Variants in STXBP5L observed in about 807,000 individuals in gnomAD.
STXBP5L encodes syntaxin binding protein 5L.
STXBP5L carries 65 observed loss-of-function variants against 144.5 expected under a neutral mutation model. The observed-to-expected ratio is 0.45, with a 90% CI of 0.37 to 0.55. STXBP5L has a LOEUF of 0.55. Ranked by LOEUF, STXBP5L falls within the 20% of genes least tolerant of loss-of-function variation. The probability of loss-of-function intolerance (pLI) is 0.00; values close to 1 mark genes in which losing one functional copy is unlikely to be tolerated. For synonymous variants in STXBP5L, 505 were observed against 469.6 expected, an observed-to-expected ratio of 1.08 and a Z score of -0.97; for missense variants, 1,298 against 1,405.5, an observed-to-expected ratio of 0.92 and a Z score of 1.22.
intron 9 of STXBP5L, among the ~76,000 whole-genome samples, chr3:121,195,880 A>G (rs2047899758): frequency 6.6e-6 from 1 of 152,158 alleles, no homozygotes; most frequent in Non-Finnish European, 1.5e-5. Context: ...CCCCTGGGAC[A>G]CATTTGTCAC....
chr3:121,112,383 G>C (rs2044028201), intron 5 of STXBP5L, among the ~76,000 whole-genome samples: 2 of 152,084 alleles, frequency 1.3e-5, no homozygotes, highest in Non-Finnish European at 2.9e-5. Context: ...TGCTTGGCTG[G>C]GAGTGGGAGT....
chr3:121,056,576 A>G (rs1331485469), intron 5 of STXBP5L, among the ~76,000 whole-genome samples: 1 of 152,158 alleles, frequency 6.6e-6, no homozygotes, highest in Non-Finnish European at 1.5e-5. Context: ...AATATTTTAT[A>G]AAGGCAATTT....
intron 19 of STXBP5L, among the ~76,000 whole-genome samples, chr3:121,317,111 T>G (rs1057057316): frequency 6.6e-6 from 1 of 152,152 alleles, no homozygotes; most frequent in East Asian, 1.9e-4. Context: ...ATTTCCAGAT[T>G]AATGGTAATA....
intron 16 of STXBP5L, 50 bp from the exon 17 acceptor site, chr3:121,257,111 C>A: frequency 1.5e-6 from 2 of 1,338,158 alleles, no homozygotes; most frequent in South Asian, 1.4e-5. Flanking sequence ...TAAATTAAAA[C>A]GATGATTATT....
chr3:120,964,213 C>T (rs977719885), intron 3 of STXBP5L, among the ~76,000 whole-genome samples: 1 of 151,854 alleles, frequency 6.6e-6, no homozygotes. Flanking sequence ...TTGATCTTTT[C>T]CAAAAAAGCA....
chr3:121,301,899 C>G (rs561327378), intron 19 of STXBP5L, among the ~76,000 whole-genome samples: 1 of 152,304 alleles, frequency 6.6e-6, no homozygotes, highest in South Asian at 2.1e-4. Context: ...ATGAAGCCCA[C>G]TTGACTATGG....
chr3:121,176,771 A>G (rs1468145615), intron 9 of STXBP5L, among the ~76,000 whole-genome samples: 1 of 151,920 alleles, frequency 6.6e-6, no homozygotes, highest in East Asian at 1.9e-4. Context: ...AGGCATGAGA[A>G]CAACCAATAA....
In STXBP5L at chr3:121,082,761, T is replaced by C. The variant is rs1417711549; in HGVS notation, c.471-32164T>C. 2.0e-5 allele frequency among the ~76,000 whole-genome samples: 3 copies of C among 152,376 alleles called. No individual in the cohort carries two copies. In the East Asian group the frequency reaches 5.8e-4, roughly 29 times the overall value. ...TGTCAAATACTATTTCTGCATCAACTGATGATTTTTCTGTTTCAGCTTGTT... is the reference window on the plus strand; with the variant it reads ...TGTCAAATACTATTTCTGCATCAACCGATGATTTTTCTGTTTCAGCTTGTT... On this transcript the variant is annotated intron_variant, in intron 5 of 26. Coordinates refer to ENST00000471454, the MANE Select transcript of STXBP5L (RefSeq NM_001308330.2).
intron 3 of STXBP5L, among the ~76,000 whole-genome samples, chr3:121,006,381 C>CT (rs563813045): frequency 0.04 from 6,030 of 151,908 alleles, 170 homozygotes; most frequent in Middle Eastern, 0.082. Flanking sequence ...CAATCCCTGC[C>CT]TTTTTTTGTT....
chr3:120,912,490 TAGGA>T (rs1708893341), intron 2 of STXBP5L, among the ~76,000 whole-genome samples: 1 of 151,812 alleles, frequency 6.6e-6, no homozygotes, highest in Admixed American at 6.6e-5. Context: ...ATATCGCCCA[TAGGA>T]AGGTAGTAGG....
chr3:121,024,361 G>A (rs149171612), intron 3 of STXBP5L, among the ~76,000 whole-genome samples: 2 of 152,094 alleles, frequency 1.3e-5, no homozygotes, highest in Non-Finnish European at 2.9e-5. Flanking sequence ...GTCTAGAGTG[G>A]CTTTACTTTA....
At chr3:121,333,181 A>G (rs1042107745) in intron 20 of STXBP5L, among the ~76,000 whole-genome samples, 2 of 152,190 alleles carry the variant, frequency 1.3e-5, no homozygotes, top group Non-Finnish European at 2.9e-5. Flanking sequence ...CATGGAGAAA[A>G]TAAAGCATCT....
At chr3:121,071,319 C>T (rs2107662231) in intron 5 of STXBP5L, among the ~76,000 whole-genome samples, 1 of 152,322 alleles carries the variant, frequency 6.6e-6, no homozygotes, top group South Asian at 2.1e-4. Context: ...CATTGACTTC[C>T]TTAGGCTTTG....
chr3:121,033,615 C>A (rs755308109), intron 3 of STXBP5L, among the ~76,000 whole-genome samples: 1 of 149,888 alleles, frequency 6.7e-6, no homozygotes, highest in Non-Finnish European at 1.5e-5. Context: ...TAAATAAATT[C>A]GTGTGTTTTT....
At chr3:121,172,506 A>G (rs2046764172) in intron 9 of STXBP5L, among the ~76,000 whole-genome samples, 1 of 152,204 alleles carries the variant, frequency 6.6e-6, no homozygotes, top group Non-Finnish European at 1.5e-5. Context: ...CAACCCCATC[A>G]AAAAGTGGGC....
rs550984666 is a variant in STXBP5L, at chr3:121,163,184, G to A, written c.877+5557G>A. 2.2e-3 allele frequency among the ~76,000 whole-genome samples: 333 copies of A among 152,250 alleles called. 1 individual carries two copies. The highest frequency in any genetic ancestry group is 7.3e-3 in the African/African-American group (303 of 41,546). On this transcript the variant is annotated intron_variant, in intron 9 of 26. Transcript: ENST00000471454. ...TTGGAACCAACCCAAATGTCCATCAGTGATAGACTGGATAAAGAAAATGTG... is the reference window on the plus strand; with the variant it reads ...TTGGAACCAACCCAAATGTCCATCAATGATAGACTGGATAAAGAAAATGTG...
intron 3 of STXBP5L, among the ~76,000 whole-genome samples, chr3:120,986,707 G>T (rs1184565032): frequency 6.6e-6 from 1 of 151,832 alleles, no homozygotes. Flanking sequence ...TATGGAGAAA[G>T]TCAAGAAAAT....
intron 10 of STXBP5L, among the ~76,000 whole-genome samples, chr3:121,220,422 AC>A (rs1418388932): frequency 6.6e-6 from 1 of 152,094 alleles, no homozygotes; most frequent in Non-Finnish European, 1.5e-5. Context: ...ATTAAATAAC[AC>A]CTGACACAGT....
chr3:120,958,065 A>C (rs1244596835), intron 3 of STXBP5L, among the ~76,000 whole-genome samples: 1 of 152,182 alleles, frequency 6.6e-6, no homozygotes, highest in African/African-American at 2.4e-5. Context: ...ATAAAAAGTG[A>C]TAAAGGGGAT....
Sources: gnomAD v4.1 joint callset for allele counts (sites outside exome capture counted in the v4.1 genomes callset) on GRCh38, gnomAD v4.1.1 for gene constraint, MANE v1.5 for transcripts, NCBI Gene and HGNC (gene_info 2026-07-23, HGNC 2026-07-21) for gene names.